The following FAM185A variants were observed in gnomAD, a reference collection of about 807,000 sequenced individuals.
The protein encoded by FAM185A is family with sequence similarity 185 member A, also known as protein FAM185A.
Under a neutral mutation model 45.7 loss-of-function variants are expected in FAM185A, and 21 were observed. That is an observed-to-expected ratio of 0.46 (90% CI 0.33 to 0.66). The LOEUF is 0.66. Among genes scored for constraint, FAM185A ranks in the 30% least tolerant of loss-of-function variants. FAM185A has a pLI of 0.03. For synonymous variants in FAM185A, 117 were observed against 194.0 expected, an observed-to-expected ratio of 0.60 and a Z score of 3.30; for missense variants, 305 against 485.4, an observed-to-expected ratio of 0.63 and a Z score of 3.49.
intron 7 of FAM185A, among the ~76,000 whole-genome samples, chr7:102,801,213 A>G (rs994692010): frequency 1.3e-5 from 2 of 152,212 alleles, no homozygotes; most frequent in Non-Finnish European, 2.9e-5. Context: ...CACTACAAGA[A>G]CTGCTAAAAG....
chr7:102,751,791 A>C lies in FAM185A; in HGVS notation c.551A>C (p.Gln184Pro), dbSNP rs1203731852. The C allele has an allele frequency of 2.0e-5, 31 of 1,547,236 alleles. No homozygotes were observed. Among genetic ancestry groups the C allele is most frequent in the Non-Finnish European group, 2.4e-5 (27 of 1,144,960 alleles). Residue 184 changes from glutamine (Q) to proline (P), a missense_variant, in exon 2 of 8, where the codon CAG becomes CCG. Around this residue, in one of 5 missense-constraint regions of FAM185A, gnomAD observed 174 missense variants for 247.1 expected, o/e 0.70. Coordinates refer to ENST00000413034, the MANE Select transcript of FAM185A (RefSeq NM_001145268.2). ...ACAGAGCATGGGACTAGTATCTTGC[A>C]GTCTGTTAAGGTATAGCATTTTTCT... is the stretch of plus-strand genomic sequence containing the variant. Reference protein sequence around the residue: ...IETEHGTSILQSVKGQKLHVQ... With the variant: ...IETEHGTSILPSVKGQKLHVQ...
At chr7:102,792,263 A>C (rs183927343) in intron 7 of FAM185A, among the ~76,000 whole-genome samples, 249 of 150,876 alleles carry the variant, frequency 1.7e-3, no homozygotes, top group African/African-American at 5.9e-3. Context: ...TCCTACCATG[A>C]TTTACACGTA....
In FAM185A at chr7:102,777,362, A is replaced by C. The variant is rs563891176; in HGVS notation, c.931+14A>C. The C allele has an allele frequency of 3.6e-3, 5,284 of 1,483,504 alleles. 1 individual carries two copies. The highest frequency in any genetic ancestry group is 4.5e-3 in the Non-Finnish European group (4,990 of 1,105,186). The allele number at this position is 1,483,504 out of a possible 1,614,324, so 91.9% of individuals were successfully genotyped here. On this transcript the variant is annotated intron_variant, in intron 6 of 7. Transcript: ENST00000413034. ...AATCCCATAAAGGTTAGTGAACTGG[A>C]ATGTTTTATTTTGACATATGATGTA...
chr7:102,780,202 G>A (rs2129439050), intron 6 of FAM185A, among the ~76,000 whole-genome samples: 1 of 152,216 alleles, frequency 6.6e-6, no homozygotes, highest in South Asian at 2.1e-4. Flanking sequence ...ATAAGTAAAT[G>A]CATTCTAAAC....
At chr7:102,834,098 G>GGAAGGAAGGAAGGAAGGA in the FAM185A span, among the ~76,000 whole-genome samples, 2 of 93,914 alleles carry the variant, frequency 2.1e-5, no homozygotes, top group African/African-American at 1.0e-4. Context: ...AAGAAAGAAA[G>GGAAGGAAGGAAGGAAGGA]AAAGAAAGAA....
chr7:102,813,663 G>T, downstream of FAM185A: 2 of 873,228 alleles, frequency 2.3e-6, no homozygotes, highest in Non-Finnish European at 3.6e-6. Context: ...CTCTTGCCTT[G>T]CTGAGAGTGA....
chr7:102,802,123 G>A (rs1796836478), intron 7 of FAM185A, among the ~76,000 whole-genome samples: 1 of 152,074 alleles, frequency 6.6e-6, no homozygotes, highest in Non-Finnish European at 1.5e-5. Context: ...GACAGCACTG[G>A]ACAGGTCATC....
At chr7:102,821,407 G>A in the FAM185A span, among the ~76,000 whole-genome samples, 1 of 152,036 alleles carries the variant, frequency 6.6e-6, no homozygotes, top group African/African-American at 2.4e-5. Flanking sequence ...AAGAAACCAT[G>A]TTCTTCCTCA....
At chr7:102,799,028 G>A (rs1460797125) in intron 7 of FAM185A, among the ~76,000 whole-genome samples, 4 of 152,224 alleles carry the variant, frequency 2.6e-5, no homozygotes, top group Non-Finnish European at 5.9e-5. Flanking sequence ...GATTACAGGC[G>A]TGAGCCACCG....
Position 102,749,575 on chromosome 7 carries a change from A to T in FAM185A, c.368A>T (p.Asp123Val). Reference protein sequence around the residue: ...RGLDGLQVKYDEDLEEMAIVS... With the variant: ...RGLDGLQVKYVEDLEEMAIVS... ...CTGGACGGCCTGCAGGTGAAGTACG[A>T]CGAGGATCTGGAGGAGATGGCCATT... Residue 123 changes from aspartate to valine, a missense_variant, in exon 1 of 8, where the codon GAC becomes GTC. By Grantham distance (152) the Asp-to-Val change is radical (BLOSUM62 -3). Coordinates refer to ENST00000413034, the MANE Select transcript of FAM185A (RefSeq NM_001145268.2). 2 of 1,526,430 alleles carry T rather than the reference A, an allele frequency of 1.3e-6. No individual in the cohort carries two copies. Among genetic ancestry groups the T allele is most frequent in the Middle Eastern group, 2.3e-4 (1 of 4,346 alleles). 94.6% of individuals were successfully genotyped at this position (1,526,430 alleles called of 1,614,324 possible). A position where few individuals can be genotyped will look rare whatever the true frequency, so the allele number is the denominator to read the frequency against.
At chr7:102,755,615 C>T (rs1260727635) in intron 2 of FAM185A, 47 of 617,762 alleles carry the variant, frequency 7.6e-5, no homozygotes, top group Admixed American at 5.2e-4. Flanking sequence ...TGACTGCACA[C>T]GACATGGATC....
chr7:102,809,726 A>C (rs1797327123), downstream of FAM185A, among the ~76,000 whole-genome samples: 1 of 152,098 alleles, frequency 6.6e-6, no homozygotes, highest in Non-Finnish European at 1.5e-5. Flanking sequence ...AAATAAACAA[A>C]TAAGTTATAT....
At chr7:102,845,930 C>T in the FAM185A span, among the ~76,000 whole-genome samples, 1 of 152,166 alleles carries the variant, frequency 6.6e-6, no homozygotes, top group African/African-American at 2.4e-5. Context: ...TAAAAGCATC[C>T]TTTTGGAATT....
the FAM185A span, among the ~76,000 whole-genome samples, chr7:102,840,370 C>CAAAAGTTTATTTTTACATT: frequency 6.6e-6 from 1 of 152,224 alleles, no homozygotes; most frequent in African/African-American, 2.4e-5. Context: ...TTTTACATTT[C>CAAAAGTTTATTTTTACATT]TCTAAGTTTA....
At chr7:102,830,217 C>T in the FAM185A span, among the ~76,000 whole-genome samples, 4 of 152,108 alleles carry the variant, frequency 2.6e-5, no homozygotes, top group Non-Finnish European at 2.9e-5. Flanking sequence ...CCAAAGCAAA[C>T]AAACAAACAA....
chr7:102,751,469 G>C (rs768640700), intron 1 of FAM185A, among the ~76,000 whole-genome samples: 5 of 151,828 alleles, frequency 3.3e-5, no homozygotes, highest in Non-Finnish European at 5.9e-5. Context: ...CTCTTTAGGT[G>C]ATTTAGGCCA....
At chr7:102,829,457 T>C in the FAM185A span, among the ~76,000 whole-genome samples, 9 of 152,306 alleles carry the variant, frequency 5.9e-5, no homozygotes, top group South Asian at 1.7e-3. Context: ...AGACATTTTG[T>C]CATTGTTCAG....
At chr7:102,809,281 A>G (rs1031612190), downstream of FAM185A, 1 of 152,258 alleles carries the variant, frequency 6.6e-6, no homozygotes, top group African/African-American at 2.4e-5. Context: ...TAATTAGGAA[A>G]AAAGAAACAG....
rs927996885 is a variant in FAM185A, at chr7:102,785,829, T to C, written c.932-1506T>C. ...GGCAACAAAAGCCAAAATTGACAAA[T>C]GGGATCTAATTAAACTAAAGAGCTT... On this transcript the variant is annotated intron_variant, in intron 6 of 7. Coordinates refer to ENST00000413034, the MANE Select transcript of FAM185A (RefSeq NM_001145268.2). Among the ~76,000 whole-genome samples, 4 of 150,912 alleles carry C rather than the reference T, an allele frequency of 2.7e-5. No homozygotes were observed. The South Asian group carries it at 8.3e-4, about 31-fold the overall frequency.
Sources: gnomAD v4.1 joint callset for allele counts (sites outside exome capture counted in the v4.1 genomes callset) on GRCh38, gnomAD v4.1.1 for gene constraint, gnomAD v4.1.1 regional missense constraint, MANE v1.5 for transcripts, NCBI Gene and HGNC (gene_info 2026-07-23, HGNC 2026-07-21) for gene names.